ASRGL1: variants seen among roughly 807,000 people sequenced by gnomAD.
The protein encoded by ASRGL1 is asparaginase and isoaspartyl peptidase 1.
A neutral mutation model predicts 22.4 loss-of-function variants in ASRGL1; 16 were observed. The observed-to-expected ratio is 0.71, with a 90% CI of 0.48 to 1.08. The LOEUF is 1.08. ASRGL1 is among the 50% of genes least tolerant of loss of function. The probability of loss-of-function intolerance (pLI) is 0.00; values close to 1 mark genes in which losing one functional copy is unlikely to be tolerated. For missense variants in ASRGL1, 412 were observed against 410.1 expected (o/e 1.00, Z -0.04); for synonymous variants, 165 against 159.3 (o/e 1.04, Z -0.27).
intron 2 of ASRGL1, among the ~76,000 whole-genome samples, chr11:62,353,942 A>G (rs960505420): frequency 1.3e-5 from 2 of 152,196 alleles, no homozygotes; most frequent in Non-Finnish European, 2.9e-5. Flanking sequence ...TAAGCCACAC[A>G]CCTGGATTTG....
chr11:62,386,773 T>C (rs546956779), intron 4 of ASRGL1, among the ~76,000 whole-genome samples: 1 of 152,312 alleles, frequency 6.6e-6, no homozygotes, highest in South Asian at 2.1e-4. Context: ...AAGATGTTGG[T>C]ACAATTGACA....
At chr11:62,378,234 A>G (rs1346218054) in intron 4 of ASRGL1, among the ~76,000 whole-genome samples, 2 of 152,202 alleles carry the variant, frequency 1.3e-5, no homozygotes, top group African/African-American at 2.4e-5. Flanking sequence ...GAAAAGGAGT[A>G]GAGGTTTGAA....
At chr11:62,371,296 G>C (rs1018475380) in intron 4 of ASRGL1, 1 of 1,382,204 alleles carries the variant, frequency 7.2e-7, no homozygotes, top group Non-Finnish European at 9.5e-7. Flanking sequence ...CAGCGGCGAC[G>C]AGGACGGCCT....
chr11:62,371,046 A>G (rs1222305442), intron 4 of ASRGL1: 2 of 109,572 alleles, frequency 1.8e-5, no homozygotes, highest in African/African-American at 1.1e-4. Context: ...CTGGGCCAGG[A>G]AAAAAAAAAA....
intron 2 of ASRGL1, among the ~76,000 whole-genome samples, chr11:62,354,056 G>A (rs1946223124): frequency 6.6e-6 from 1 of 152,198 alleles, no homozygotes; most frequent in African/African-American, 2.4e-5. Context: ...AACACTTACT[G>A]TTTGCCTACA....
At chr11:62,391,413 C>A in intron 5 of ASRGL1, 109 bp from the exon 6 acceptor site, 6 of 1,429,286 alleles carry the variant, frequency 4.2e-6, no homozygotes, top group Non-Finnish European at 5.6e-6. Context: ...TGACCTTTGT[C>A]GGTACTTGAG....
At chr11:62,393,991 C>A (rs893935494), downstream of ASRGL1, among the ~76,000 whole-genome samples, 1 of 144,852 alleles carries the variant, frequency 6.9e-6, no homozygotes, top group East Asian at 2.0e-4. Context: ...ATGAGGACAC[C>A]ATATTAGATA....
chr11:62,370,080 A>G (rs910114920), intron 4 of ASRGL1, among the ~76,000 whole-genome samples: 5 of 151,540 alleles, frequency 3.3e-5, no homozygotes, highest in Non-Finnish European at 7.4e-5. Flanking sequence ...TTAATCCCAT[A>G]GTCACTGCAA....
chr11:62,371,027 A>C, intron 4 of ASRGL1: 1 of 468,528 alleles, frequency 2.1e-6, no homozygotes, highest in Non-Finnish European at 3.7e-6. Flanking sequence ...AGTGGGCTGG[A>C]GCCCTCGTCT....
intron 2 of ASRGL1, among the ~76,000 whole-genome samples, chr11:62,349,522 G>A (rs1946117978): frequency 6.6e-6 from 1 of 152,148 alleles, no homozygotes; most frequent in Non-Finnish European, 1.5e-5. Context: ...GATACTGAGG[G>A]ACAGCTCTAT....
rs60507577 is a variant in ASRGL1, at chr11:62,362,891, A to ATTT, written c.491+5790_491+5792dup. On this transcript the variant is annotated intron_variant, in intron 4 of 6. Coordinates refer to ENST00000415229, the MANE Select transcript of ASRGL1 (RefSeq NM_001083926.2). Reference sequence around the variant, plus strand: ...GGCTACTTCACCTTTAAAGGATTTAATTTTTTTTTTTTTTTTTTTTTTTTT... The same window carrying ATTT: ...GGCTACTTCACCTTTAAAGGATTTAATTTTTTTTTTTTTTTTTTTTTTTTTTTT... Among the ~76,000 whole-genome samples the ATTT allele has an allele frequency of 1.4e-4, 7 of 50,366 alleles. 1 individual carries two copies. The highest frequency in any genetic ancestry group is 4.9e-4 in the African/African-American group (5 of 10,258). 33.0% of individuals were successfully genotyped at this position (50,366 alleles called of 152,430 possible). A position where few individuals can be genotyped will look rare whatever the true frequency, so the allele number is the denominator to read the frequency against.
At chr11:62,395,096 G>C (rs755372504), downstream of ASRGL1, among the ~76,000 whole-genome samples, 1 of 152,208 alleles carries the variant, frequency 6.6e-6, no homozygotes, top group Non-Finnish European at 1.5e-5. Context: ...GGAACCAAAA[G>C]AACATTCCTC....
downstream of ASRGL1, among the ~76,000 whole-genome samples, chr11:62,394,244 A>G (rs943645885): frequency 1.2e-4 from 17 of 140,342 alleles, no homozygotes; most frequent in African/African-American, 4.5e-4. Context: ...TATTATATAT[A>G]ATTTGTTATA....
intron 4 of ASRGL1, among the ~76,000 whole-genome samples, chr11:62,366,857 A>T (rs1946623340): frequency 6.6e-6 from 1 of 152,172 alleles, no homozygotes; most frequent in Non-Finnish European, 1.5e-5. Flanking sequence ...ATAAAATTTA[A>T]AAACCCAAAT....
chr11:62,337,682 C>T (rs1325736101), intron 1 of ASRGL1, 108 bp downstream of exon 1: 1 of 359,116 alleles, frequency 2.8e-6, no homozygotes, highest in East Asian at 4.4e-5. Context: ...TCCTTCGGCG[C>T]CGGGGCTTGG....
intron 4 of ASRGL1, chr11:62,371,035 T>C (rs1565167039): frequency 2.1e-6 from 1 of 474,610 alleles, no homozygotes; most frequent in Non-Finnish European, 3.6e-6. Flanking sequence ...GGAGCCCTCG[T>C]CTGGGCCAGG....
intron 5 of ASRGL1, among the ~76,000 whole-genome samples, chr11:62,390,393 G>T (rs991694630): frequency 1.3e-5 from 2 of 152,294 alleles, no homozygotes; most frequent in Non-Finnish European, 2.9e-5. Flanking sequence ...CATGGGGGAC[G>T]GTACTAGGCT....
At chr11:62,381,205 TTGTAA>T (rs1305261130) in intron 4 of ASRGL1, among the ~76,000 whole-genome samples, 3 of 152,168 alleles carry the variant, frequency 2.0e-5, no homozygotes, top group Non-Finnish European at 2.9e-5. Flanking sequence ...GCATTTGAGG[TTGTAA>T]TGTTACAGGC....
intron 2 of ASRGL1, among the ~76,000 whole-genome samples, chr11:62,345,669 G>T (rs983556370): frequency 6.6e-6 from 1 of 152,022 alleles, no homozygotes; most frequent in Admixed American, 6.6e-5. Context: ...CCCTCCTCAG[G>T]CTTGATAATT....
Sources: allele counts gnomAD v4.1 joint callset (sites outside exome capture counted in the v4.1 genomes callset), GRCh38; gene constraint gnomAD v4.1.1; transcripts MANE v1.5; gene names NCBI Gene and HGNC (gene_info 2026-07-23, HGNC 2026-07-21).